The following FUT9 variants were observed in gnomAD, a reference collection of about 807,000 sequenced individuals.
FUT9 encodes 4-galactosyl-N-acetylglucosaminide 3-alpha-L-fucosyltransferase 9.
FUT9 carries 15 observed loss-of-function variants against 29.7 expected under a neutral mutation model. The observed-to-expected ratio is 0.51, with a 90% confidence interval of 0.34 to 0.78. The LOEUF is 0.78. Among genes scored for constraint, FUT9 ranks in the 30% least tolerant of loss-of-function variants. The pLI is 0.01. For synonymous variants in FUT9, 169 were observed against 153.7 expected (o/e 1.10, Z -0.74); for missense variants, 319 against 425.4 (o/e 0.75, Z 2.20).
chr6:96,070,585 G>A (rs768510010), intron 1 of FUT9, among the ~76,000 whole-genome samples: 8 of 152,108 alleles, frequency 5.3e-5, no homozygotes, highest in Non-Finnish European at 1.0e-4. Flanking sequence ...AACTTGGGAG[G>A]CTGAAGTGGG....
In FUT9 at chr6:96,166,207, A is replaced by T. The variant is rs183849688; in HGVS notation, c.-8-36941A>T. Among the ~76,000 whole-genome samples the T allele has an allele frequency of 3.9e-5, 6 of 152,266 alleles. No homozygotes were observed. The East Asian group carries it at 9.6e-4, about 24-fold the overall frequency. Reference sequence around the variant, plus strand: ...TACTTTTAATATTAAAGAACGTCATATAAGTGTCAGGCTTAATGGCTGAAA... The same window carrying T: ...TACTTTTAATATTAAAGAACGTCATTTAAGTGTCAGGCTTAATGGCTGAAA... On this transcript the variant is annotated intron_variant, in intron 2 of 2. Transcript: ENST00000302103.
chr6:96,178,968 C>CA (rs201663526), intron 2 of FUT9, among the ~76,000 whole-genome samples: 152 of 150,312 alleles, frequency 1.0e-3, no homozygotes, highest in African/African-American at 3.0e-3. Flanking sequence ...TTATCAACTA[C>CA]AAAAAAAAAC....
At chr6:96,074,446 A>G (rs1221914853) in intron 1 of FUT9, among the ~76,000 whole-genome samples, 1 of 152,110 alleles carries the variant, frequency 6.6e-6, no homozygotes, top group Non-Finnish European at 1.5e-5. Flanking sequence ...TATAGTTAGG[A>G]GTCAGATTTT....
At chr6:96,021,829 A>G (rs1287355474) in intron 1 of FUT9, among the ~76,000 whole-genome samples, 2 of 151,616 alleles carry the variant, frequency 1.3e-5, no homozygotes, top group African/African-American at 2.4e-5. Flanking sequence ...TATATATGTT[A>G]TTGAAAAAAA....
chr6:96,059,759 GA>G (rs1770839990), intron 1 of FUT9, among the ~76,000 whole-genome samples: 1 of 152,150 alleles, frequency 6.6e-6, no homozygotes, highest in Admixed American at 6.5e-5. Flanking sequence ...ACTCTGTACA[GA>G]AAAATGTTAT....
intron 2 of FUT9, among the ~76,000 whole-genome samples, chr6:96,173,901 A>AC (rs1221037614): frequency 6.6e-6 from 1 of 152,112 alleles, no homozygotes; most frequent in Non-Finnish European, 1.5e-5. Context: ...TTTTCTATTA[A>AC]AAAACCATTT....
chr6:96,138,891 A>G (rs1321389974), intron 2 of FUT9, among the ~76,000 whole-genome samples: 3 of 152,178 alleles, frequency 2.0e-5, no homozygotes, highest in Non-Finnish European at 4.4e-5. Flanking sequence ...AAACTCTCAA[A>G]CAAAAAGTGT....
At chr6:96,066,831 A>C (rs1327411884) in intron 1 of FUT9, among the ~76,000 whole-genome samples, 9 of 152,064 alleles carry the variant, frequency 5.9e-5, no homozygotes, top group Non-Finnish European at 1.2e-4. Flanking sequence ...TATTCAGAGA[A>C]ACTGTGTGTG....
intron 2 of FUT9, among the ~76,000 whole-genome samples, chr6:96,199,881 G>C (rs964020408): frequency 6.6e-6 from 1 of 152,036 alleles, no homozygotes; most frequent in Admixed American, 6.6e-5. Flanking sequence ...CTACATTCTG[G>C]TGATAAGGAT....
intron 1 of FUT9, among the ~76,000 whole-genome samples, chr6:96,099,164 T>C (rs1771547399): frequency 6.6e-6 from 1 of 152,166 alleles, no homozygotes; most frequent in Non-Finnish European, 1.5e-5. Flanking sequence ...GTTCACAATT[T>C]TCTCTGGACT....
At chr6:96,147,541 C>T (rs533492862) in intron 2 of FUT9, among the ~76,000 whole-genome samples, 63 of 152,140 alleles carry the variant, frequency 4.1e-4, no homozygotes, top group Non-Finnish European at 7.5e-4. Context: ...AATGAAAATA[C>T]CAAAGCTTGG....
At chr6:96,150,704 C>T (rs1296091052) in intron 2 of FUT9, among the ~76,000 whole-genome samples, 1 of 152,184 alleles carries the variant, frequency 6.6e-6, no homozygotes, top group African/African-American at 2.4e-5. Context: ...AAAAATTGCC[C>T]TGTGTTCCAT....
chr6:96,204,332 A>C lies in FUT9; in HGVS notation c.*97A>C, dbSNP rs1773787617. ...ATGCAACATACTACTTTTGTGTCAC[A>C]ATTTATTTTTATCACCCTCTCTAGG... On this transcript the variant is annotated 3_prime_UTR_variant, in exon 3 of 3. Coordinates refer to ENST00000302103, the MANE Select transcript of FUT9 (RefSeq NM_006581.4). 5 of 878,594 alleles carry C rather than the reference A, an allele frequency of 5.7e-6. No individual in the cohort carries two copies. The highest frequency in any genetic ancestry group is 8.2e-6 in the Non-Finnish European group (5 of 612,638). 54.4% of individuals were successfully genotyped at this position (878,594 alleles called of 1,614,324 possible).
intron 1 of FUT9, among the ~76,000 whole-genome samples, chr6:96,053,715 A>T (rs1770714012): frequency 6.6e-6 from 1 of 152,132 alleles, no homozygotes; most frequent in South Asian, 2.1e-4. Flanking sequence ...TCTCTAAATA[A>T]ATAAATAAAT....
At chr6:96,140,588 TG>T (rs746089332) in intron 2 of FUT9, among the ~76,000 whole-genome samples, 75 of 152,324 alleles carry the variant, frequency 4.9e-4, no homozygotes, top group South Asian at 1.2e-3. Context: ...CAGTTCCACA[TG>T]GCTGGGGAGG....
At chr6:96,038,512 A>G (rs1448197534) in intron 1 of FUT9, among the ~76,000 whole-genome samples, 1 of 152,162 alleles carries the variant, frequency 6.6e-6, no homozygotes, top group Non-Finnish European at 1.5e-5. Context: ...AATTTTTTCT[A>G]TTATGCTTTT....
chr6:96,156,959 GT>G (rs1192742702), intron 2 of FUT9, among the ~76,000 whole-genome samples: 1 of 152,186 alleles, frequency 6.6e-6, no homozygotes, highest in African/African-American at 2.4e-5. Context: ...GGCAGACAAT[GT>G]TAGTTTGAAA....
intron 1 of FUT9, among the ~76,000 whole-genome samples, chr6:96,092,560 C>G (rs1771428638): frequency 6.6e-6 from 1 of 152,098 alleles, no homozygotes; most frequent in African/African-American, 2.4e-5. Context: ...TTCTAGCTGT[C>G]TGCTCCAGCT....
rs1440747653 is a variant in FUT9, at chr6:96,191,224, A to C, written c.-8-11924A>C. On this transcript the variant is annotated intron_variant, in intron 2 of 2. Coordinates refer to ENST00000302103, the MANE Select transcript of FUT9 (RefSeq NM_006581.4). The stretch of plus-strand genomic sequence containing the variant: ...AGCTCTCAGAAGGCAAGATATAACT[A>C]AGATCAGAGCAGAACTGAAGGAAAT... 2.0e-5 allele frequency among the ~76,000 whole-genome samples: 3 copies of C among 152,150 alleles called. No homozygotes were observed. In the East Asian group the frequency reaches 5.8e-4, roughly 29 times the overall value.
Sources: gnomAD v4.1 joint callset for allele counts (sites outside exome capture counted in the v4.1 genomes callset) on GRCh38, gnomAD v4.1.1 for gene constraint, MANE v1.5 for transcripts, NCBI Gene and HGNC (gene_info 2026-07-23, HGNC 2026-07-21) for gene names.